The following NUMB variants were observed in gnomAD, a reference collection of about 807,000 sequenced individuals.
The protein encoded by NUMB is protein numb homolog.
A neutral mutation model predicts 59.7 loss-of-function variants in NUMB; 29 were observed. The observed-to-expected ratio is 0.49, with a 90% CI of 0.36 to 0.66. The LOEUF (loss-of-function observed/expected upper bound fraction) is 0.66, where lower values mean the gene tolerates loss of function less well. Ranked by LOEUF, NUMB falls within the 30% of genes least tolerant of loss-of-function variation. The pLI is 0.00. For missense variants in NUMB, 723 were observed against 822.0 expected (o/e 0.88, Z 1.47); for synonymous variants, 288 against 288.2 (o/e 1.00, Z 0.01).
At chr14:73,360,492 A>G (rs547259669) in intron 3 of NUMB, among the ~76,000 whole-genome samples, 97 of 152,004 alleles carry the variant, frequency 6.4e-4, no homozygotes, top group Middle Eastern at 3.4e-3. Flanking sequence ...CGGGAGGCAG[A>G]GGTTGTAGTG....
In NUMB at chr14:73,359,994, C is replaced by T. The variant is rs1894024464; in HGVS notation, c.-15-4228G>A. On this transcript the variant is annotated intron_variant, in intron 3 of 12. Coordinates refer to ENST00000555238, the MANE Select transcript of NUMB (RefSeq NM_001005743.2). The stretch of plus-strand genomic sequence containing the variant: ...AAGATAACTTTGCCTCTTACCTGGA[C>T]TAGCATAAGCCACTAGTATTTATTT... Among the ~76,000 whole-genome samples the T allele has an allele frequency of 2.0e-5, 3 of 152,220 alleles. 1 individual carries two copies. The highest frequency in any genetic ancestry group is 2.0e-4 in the Admixed American group (3 of 15,280).
At chr14:73,367,497 A>G (rs1260709234) in intron 2 of NUMB, among the ~76,000 whole-genome samples, 2 of 151,716 alleles carry the variant, frequency 1.3e-5, no homozygotes, top group African/African-American at 4.8e-5. Flanking sequence ...GTCAAGAAGG[A>G]TCAATTTGGG....
intron 3 of NUMB, 52 bp from the exon 4 acceptor site, chr14:73,355,818 T>C (rs1322797241): frequency 6.2e-6 from 9 of 1,446,320 alleles, no homozygotes; most frequent in Non-Finnish European, 8.5e-6. Context: ...TTCTTACATA[T>C]TTAAACTTTG....
chr14:73,368,359 C>G (rs1220513923), intron 2 of NUMB, among the ~76,000 whole-genome samples: 4 of 152,052 alleles, frequency 2.6e-5, no homozygotes, highest in African/African-American at 7.2e-5. Context: ...AGTGGATCGC[C>G]TGAGGTCAGG....
intron 1 of NUMB, among the ~76,000 whole-genome samples, chr14:73,448,749 C>T (rs74061126): frequency 0.051 from 7,824 of 151,988 alleles, 653 homozygotes; most frequent in African/African-American, 0.18. Context: ...TAATATAATG[C>T]TCAATTGTTT....
intron 1 of NUMB, among the ~76,000 whole-genome samples, chr14:73,438,124 TC>T (rs1464474810): frequency 1.3e-5 from 2 of 152,254 alleles, no homozygotes; most frequent in African/African-American, 2.4e-5. Context: ...TGTTTTGCTC[TC>T]CTGAGAGCTC....
Position 73,300,965 on chromosome 14 carries a change from G to GA in NUMB, c.235-3681dup, listed in dbSNP as rs573686562. Among the ~76,000 whole-genome samples, 24 of 152,270 alleles carry GA rather than the reference G, an allele frequency of 1.6e-4. 1 individual carries two copies. In the South Asian group the frequency reaches 5.0e-3, roughly 32 times the overall value. On this transcript the variant is annotated intron_variant, in intron 6 of 12. Transcript: ENST00000555238. Reference sequence around the variant, plus strand: ...TAGGGCTGTTCCAGGCAAATTGGTAGAAGAGTCATTCACCAGCAACAGTAA... The same window carrying GA: ...TAGGGCTGTTCCAGGCAAATTGGTAGAAAGAGTCATTCACCAGCAACAGTAA...
intron 4 of NUMB, among the ~76,000 whole-genome samples, chr14:73,347,199 C>T (rs965267193): frequency 3.3e-5 from 5 of 152,034 alleles, no homozygotes; most frequent in Non-Finnish European, 4.4e-5. Context: ...TTTAACCCCC[C>T]ACCCCACACT....
chr14:73,380,276 A>G (rs1895166170), intron 2 of NUMB, among the ~76,000 whole-genome samples: 1 of 152,220 alleles, frequency 6.6e-6, no homozygotes, highest in Non-Finnish European at 1.5e-5. Flanking sequence ...TGAATTGGAA[A>G]TACAGAGTGA....
At chr14:73,411,265 G>T (rs1384296265) in intron 1 of NUMB, among the ~76,000 whole-genome samples, 1 of 152,176 alleles carries the variant, frequency 6.6e-6, no homozygotes, top group Non-Finnish European at 1.5e-5. Flanking sequence ...TGTTGCGCAG[G>T]CTGAATGAAT....
chr14:73,295,285 T>C (rs545915398), intron 7 of NUMB, among the ~76,000 whole-genome samples: 1 of 152,142 alleles, frequency 6.6e-6, no homozygotes, highest in Admixed American at 6.5e-5. Flanking sequence ...AAATACAAGG[T>C]GGGAAGATGG....
At chr14:73,340,773 C>T (rs1892591640) in intron 4 of NUMB, among the ~76,000 whole-genome samples, 1 of 152,116 alleles carries the variant, frequency 6.6e-6, no homozygotes, top group Non-Finnish European at 1.5e-5. Flanking sequence ...TAATTAATGG[C>T]TATAGGACAG....
At chr14:73,458,274 G>C (rs1259232164) in intron 1 of NUMB, 3 of 153,196 alleles carry the variant, frequency 2.0e-5, no homozygotes, top group Admixed American at 6.6e-5. Flanking sequence ...TACCTTCCTC[G>C]GGAGAACTCC....
rs777044637 is a variant in NUMB at position 73,276,974 on chromosome 14, T to C, written c.1560A>G (p.Pro520=). 2 of 1,614,096 alleles carry C rather than the reference T, an allele frequency of 1.2e-6. No homozygotes were observed. The highest frequency in any genetic ancestry group is 2.2e-5 in the South Asian group (2 of 91,082). ...TGCCCACCACAGGCACATTAGGGGC[T>C]GGATAGGGCATTCCATTGGCCACAG... ...SYPVANGMPY[P]APNVPVVGIT... The change falls in exon 13 of 13, where the codon CCA becomes CCG. Residue 520 remains proline, a synonymous_variant. Transcript: ENST00000555238.
intron 4 of NUMB, among the ~76,000 whole-genome samples, chr14:73,351,804 G>A (rs572975797): frequency 6.4e-4 from 97 of 151,746 alleles, no homozygotes; most frequent in Non-Finnish European, 1.2e-3. Flanking sequence ...GTGAAACCCC[G>A]TCTCTACTAA....
chr14:73,284,151 T>C lies in NUMB; in HGVS notation c.879A>G (p.Gln293=), dbSNP rs768519638. ...LSQKMSPFKR[Q]LSLRINELPS... ...GCAACTCATTGATGCGTAGGGATAGTTGGCGTTTAAAGGGTGACATCTTCT... is the reference window on the plus strand; with the variant it reads ...GCAACTCATTGATGCGTAGGGATAGCTGGCGTTTAAAGGGTGACATCTTCT... The change falls in exon 10 of 13, where the codon CAA becomes CAG. Residue 293 remains glutamine (Q), a synonymous_variant. Coordinates refer to ENST00000555238, the MANE Select transcript of NUMB (RefSeq NM_001005743.2). The C allele has an allele frequency of 3.7e-6, 6 of 1,614,144 alleles. No homozygotes were observed. The highest frequency in any genetic ancestry group is 5.1e-6 in the Non-Finnish European group (6 of 1,180,024).
At chr14:73,429,254 C>A (rs1456824996) in intron 1 of NUMB, among the ~76,000 whole-genome samples, 3 of 152,130 alleles carry the variant, frequency 2.0e-5, no homozygotes, top group African/African-American at 7.2e-5. Context: ...CACCTGAAGT[C>A]CCAGCTACTC....
intron 2 of NUMB, among the ~76,000 whole-genome samples, chr14:73,373,705 C>CT (rs558452695): frequency 0.2 from 25,654 of 127,682 alleles, 2,817 homozygotes; most frequent in Non-Finnish European, 0.26. Flanking sequence ...GGAAAGCTTC[C>CT]TTTTTTTTTT....
chr14:73,340,427 T>C (rs546902000), intron 4 of NUMB, among the ~76,000 whole-genome samples: 1 of 152,292 alleles, frequency 6.6e-6, no homozygotes, highest in East Asian at 1.9e-4. Flanking sequence ...CCTCCCCCAG[T>C]GTGCCTGTCT....
Sources: gnomAD v4.1 joint callset for allele counts (sites outside exome capture counted in the v4.1 genomes callset) on GRCh38, gnomAD v4.1.1 for gene constraint, MANE v1.5 for transcripts, NCBI Gene and HGNC (gene_info 2026-07-23, HGNC 2026-07-21) for gene names.